The following RALGPS2 variants were observed in gnomAD, a reference collection of about 807,000 sequenced individuals.
RALGPS2 encodes Ral GEF with PH domain and SH3 binding motif 2, also known as ras-specific guanine nucleotide-releasing factor RalGPS2.
In RALGPS2, 43 loss-of-function variants were observed where a neutral mutation model predicts 86.8. The ratio of observed to expected loss-of-function variants is 0.50; its 90% CI spans 0.39 to 0.64. The LOEUF (loss-of-function observed/expected upper bound fraction) is 0.64. RALGPS2 is among the 30% of genes least tolerant of loss of function. The probability of loss-of-function intolerance (pLI) is 0.00; values close to 1 mark genes in which losing one functional copy is unlikely to be tolerated. For missense variants in RALGPS2, 536 were observed against 694.6 expected (o/e 0.77, Z 2.57); for synonymous variants, 243 against 231.3 (o/e 1.05, Z -0.46).
chr1:178,727,101 G>A (rs1650062239), intron 1 of RALGPS2, among the ~76,000 whole-genome samples: 3 of 152,224 alleles, frequency 2.0e-5, no homozygotes, highest in Non-Finnish European at 4.4e-5. Flanking sequence ...ATATCAAAAT[G>A]TAAGGGCATT....
chr1:178,852,545 G>A (rs1477996437), intron 8 of RALGPS2: 1 of 771,876 alleles, frequency 1.3e-6, no homozygotes. Flanking sequence ...ATTTCTTTCA[G>A]TAGGTTGGTT....
chr1:178,829,594 A>G (rs1404328982), intron 7 of RALGPS2, among the ~76,000 whole-genome samples: 1 of 152,154 alleles, frequency 6.6e-6, no homozygotes, highest in African/African-American at 2.4e-5. Flanking sequence ...GCTGGTGCCA[A>G]AAAGGTTAGG....
intron 8 of RALGPS2, among the ~76,000 whole-genome samples, chr1:178,864,392 T>C (rs1459201197): frequency 2.0e-5 from 3 of 152,090 alleles, no homozygotes; most frequent in Non-Finnish European, 4.4e-5. Context: ...AAGGCATGGC[T>C]TTTGTACAGA....
intron 8 of RALGPS2, among the ~76,000 whole-genome samples, chr1:178,840,734 C>T (rs1379570020): frequency 6.6e-6 from 1 of 151,342 alleles, no homozygotes; most frequent in Non-Finnish European, 1.5e-5. Context: ...AAAAGATCAA[C>T]AAAATAGACC....
At chr1:178,870,573 A>T (rs1422035952) in intron 8 of RALGPS2, among the ~76,000 whole-genome samples, 1 of 152,166 alleles carries the variant, frequency 6.6e-6, no homozygotes, top group Non-Finnish European at 1.5e-5. Flanking sequence ...CACAGTACTT[A>T]ATGTTTTTAT....
At chr1:178,868,434 TTAAA>T (rs1419089175) in intron 8 of RALGPS2, among the ~76,000 whole-genome samples, 3 of 151,946 alleles carry the variant, frequency 2.0e-5, no homozygotes, top group Non-Finnish European at 4.4e-5. Context: ...ATTATTTTAC[TTAAA>T]TAATATTTAC....
At chr1:178,762,919 CTA>C (rs1652324479) in intron 1 of RALGPS2, among the ~76,000 whole-genome samples, 1 of 152,058 alleles carries the variant, frequency 6.6e-6, no homozygotes, top group South Asian at 2.1e-4. Context: ...TTGCCAGGGC[CTA>C]TGTCCAGAAT....
At chr1:178,751,604 A>G (rs1229936862) in intron 1 of RALGPS2, among the ~76,000 whole-genome samples, 1 of 152,188 alleles carries the variant, frequency 6.6e-6, no homozygotes, top group African/African-American at 2.4e-5. Flanking sequence ...ATTAGAATAA[A>G]TGAAGAACAG....
At chr1:178,731,281 T>TTTG (rs1650339782) in intron 1 of RALGPS2, among the ~76,000 whole-genome samples, 1 of 113,610 alleles carries the variant, frequency 8.8e-6, no homozygotes, top group African/African-American at 3.7e-5. Context: ...GGTTTTTTTT[T>TTTG]TTTTTTTTTT....
rs543947031 is a variant in RALGPS2, at chr1:178,859,401, C to CTTTT, written c.608-18079_608-18076dup. Among the ~76,000 whole-genome samples the CTTTT allele has an allele frequency of 2.2e-4, 27 of 122,894 alleles. 1 individual carries two copies. The highest frequency in any genetic ancestry group is 3.3e-4 in the Admixed American group (4 of 12,080). The allele number at this position is 122,894 out of a possible 152,430, so 80.6% of individuals were successfully genotyped here. ...TCTAATGACTACTTTCCAAGTTTAACTTTTTTTTTTTTTTTTTTTTTGAGA... is the reference window on the plus strand; with the variant it reads ...TCTAATGACTACTTTCCAAGTTTAACTTTTTTTTTTTTTTTTTTTTTTTTTGAGA... On this transcript the variant is annotated intron_variant, in intron 8 of 19. Transcript: ENST00000367635.
chr1:178,869,653 ATTT>A (rs1658627828), intron 8 of RALGPS2, among the ~76,000 whole-genome samples: 1 of 152,094 alleles, frequency 6.6e-6, no homozygotes, highest in African/African-American at 2.4e-5. Flanking sequence ...TCCTGCCAGC[ATTT>A]ACAGTTTTAA....
At chr1:178,871,771 G>A (rs1470269060) in intron 8 of RALGPS2, among the ~76,000 whole-genome samples, 1 of 152,060 alleles carries the variant, frequency 6.6e-6, no homozygotes, top group Non-Finnish European at 1.5e-5. Context: ...AATTGATGTG[G>A]TGTGGTTTAA....
intron 17 of RALGPS2, among the ~76,000 whole-genome samples, 196 bp downstream of exon 17, chr1:178,897,952 T>G (rs2102400299): frequency 6.6e-6 from 1 of 152,158 alleles, no homozygotes; most frequent in East Asian, 1.9e-4. Context: ...CACATTACGC[T>G]TATCTATTTT....
At chr1:178,898,545 T>C (rs1660038711) in intron 17 of RALGPS2, among the ~76,000 whole-genome samples, 1 of 151,970 alleles carries the variant, frequency 6.6e-6, no homozygotes, top group Admixed American at 6.6e-5. Context: ...TAAATGAATG[T>C]GGGAAGTACC....
At chr1:178,855,447 A>G (rs1238434881) in intron 8 of RALGPS2, among the ~76,000 whole-genome samples, 2 of 151,910 alleles carry the variant, frequency 1.3e-5, no homozygotes, top group African/African-American at 4.8e-5. Context: ...TCTAGTCCAA[A>G]TGTTTATTAT....
In RALGPS2 at chr1:178,851,853, A is replaced by C. The variant is rs117205380; in HGVS notation, c.607+18303A>C. On this transcript the variant is annotated intron_variant, in intron 8 of 19. Coordinates refer to ENST00000367635, the MANE Select transcript of RALGPS2 (RefSeq NM_152663.5). ...TGCCAAAATACAGCTGGAGAGAAAAACCAGTTTGGGACAGGGATGGGGGAG... is the reference window on the plus strand; with the variant it reads ...TGCCAAAATACAGCTGGAGAGAAAACCCAGTTTGGGACAGGGATGGGGGAG... 3.0e-3 allele frequency among the ~76,000 whole-genome samples: 461 copies of C among 152,228 alleles called. 9 individuals carry two copies. The East Asian group carries it at 0.061, about 20-fold the overall frequency.
At position 178,812,672 on chromosome 1, in the gene RALGPS2, G is replaced by A. The variant is rs142567488; in HGVS notation, c.387+1268G>A. On this transcript the variant is annotated intron_variant, in intron 6 of 19. Transcript: ENST00000367635. ...TAAGAAGTATGGTAATTGTAGCCAC[G>A]TTCATTCATTACTCTTGTAATAAAT... Among the ~76,000 whole-genome samples, 454 of 152,212 alleles carry A rather than the reference G, an allele frequency of 3.0e-3. 2 individuals carry two copies. The highest frequency in any genetic ancestry group is 0.01 in the African/African-American group (433 of 41,520).
At chr1:178,893,809 A>T in intron 15 of RALGPS2, 110 bp from the exon 16 acceptor site, 1 of 716,536 alleles carries the variant, frequency 1.4e-6, no homozygotes. Flanking sequence ...CTCAGCTCTG[A>T]ATAAAGTAAC....
chr1:178,832,903 T>C (rs1656095990), intron 7 of RALGPS2, among the ~76,000 whole-genome samples: 1 of 151,772 alleles, frequency 6.6e-6, no homozygotes, highest in Admixed American at 6.6e-5. Context: ...ATAGCACTGA[T>C]CAAAGAGAAG....
Sources: gnomAD v4.1 joint callset for allele counts (sites outside exome capture counted in the v4.1 genomes callset) on GRCh38, gnomAD v4.1.1 for gene constraint, MANE v1.5 for transcripts, NCBI Gene and HGNC (gene_info 2026-07-23, HGNC 2026-07-21) for gene names.